ADAMTSL3: variants seen among roughly 807,000 people sequenced by gnomAD.
ADAMTSL3 encodes ADAMTS-like protein 3.
Under a neutral mutation model 201.7 loss-of-function variants are expected in ADAMTSL3, and 128 were observed. The observed-to-expected ratio is 0.63, with a 90% CI of 0.55 to 0.73. The LOEUF is 0.73. ADAMTSL3 is among the 30% of genes least tolerant of loss of function. The pLI is 0.00. For missense variants in ADAMTSL3, 1,990 were observed against 2,119.6 expected (o/e 0.94, Z 1.20); for synonymous variants, 738 against 748.4 (o/e 0.99, Z 0.23).
intron 17 of ADAMTSL3, among the ~76,000 whole-genome samples, chr15:83,939,738 C>T (rs2066521713): frequency 6.6e-6 from 1 of 151,818 alleles, no homozygotes; most frequent in African/African-American, 2.4e-5. Flanking sequence ...TCTCATGCCT[C>T]AGCCTACCAA....
chr15:83,803,424 A>G (rs994536259), intron 4 of ADAMTSL3, among the ~76,000 whole-genome samples: 4 of 152,186 alleles, frequency 2.6e-5, no homozygotes, highest in Non-Finnish European at 4.4e-5. Flanking sequence ...TAAATATTTT[A>G]ATAACAATTG....
At chr15:83,710,622 A>G (rs1197500951) in intron 3 of ADAMTSL3, among the ~76,000 whole-genome samples, 1 of 152,170 alleles carries the variant, frequency 6.6e-6, no homozygotes, top group Admixed American at 6.5e-5. Flanking sequence ...CCTTAATGAC[A>G]TCATAGGTGA....
chr15:83,889,098 G>C (rs138223774), intron 10 of ADAMTSL3, among the ~76,000 whole-genome samples: 62 of 152,300 alleles, frequency 4.1e-4, no homozygotes, highest in African/African-American at 1.4e-3. Flanking sequence ...GCATCATTTT[G>C]TGACTTGCTT....
At chr15:83,972,669 T>G (rs905826899) in intron 20 of ADAMTSL3, among the ~76,000 whole-genome samples, 7 of 152,014 alleles carry the variant, frequency 4.6e-5, no homozygotes, top group African/African-American at 1.7e-4. Flanking sequence ...ACAGTAATAT[T>G]TTTTCTTTAC....
chr15:83,672,184 G>A (rs895504498), intron 2 of ADAMTSL3, among the ~76,000 whole-genome samples: 1 of 152,138 alleles, frequency 6.6e-6, no homozygotes, highest in Non-Finnish European at 1.5e-5. Context: ...CTGAGGGTTG[G>A]TATAGCTCAT....
rs3044648 is a variant in ADAMTSL3 at position 83,903,242 on chromosome 15, CT to C, written c.1700+3526del. Among the ~76,000 whole-genome samples the C allele has an allele frequency of 1.7e-3, 223 of 133,394 alleles. 1 individual carries two copies. Among genetic ancestry groups the C allele is most frequent in the South Asian group, 2.2e-3 (9 of 4,134 alleles). 87.5% of individuals were successfully genotyped at this position (133,394 alleles called of 152,430 possible). ...TTTCTTTTTCTTTCGGCTGCCAGAT[CT>C]TTTTTTTTTTTTTTATCATGGTGAG... On this transcript the variant is annotated intron_variant, in intron 15 of 29. Transcript: ENST00000286744.
intron 7 of ADAMTSL3, among the ~76,000 whole-genome samples, chr15:83,849,892 A>G (rs1364958145): frequency 6.6e-6 from 1 of 152,234 alleles, no homozygotes; most frequent in Non-Finnish European, 1.5e-5. Flanking sequence ...CTGTAGTTAT[A>G]TAAGATGAAA....
At chr15:83,773,903 A>G (rs1266256247) in intron 4 of ADAMTSL3, among the ~76,000 whole-genome samples, 1 of 152,222 alleles carries the variant, frequency 6.6e-6, no homozygotes, top group Admixed American at 6.5e-5. Flanking sequence ...AAATCCTGGC[A>G]CTTTAAGTCA....
At chr15:83,849,713 A>G (rs538991882) in intron 7 of ADAMTSL3, among the ~76,000 whole-genome samples, 4 of 152,322 alleles carry the variant, frequency 2.6e-5, no homozygotes, top group African/African-American at 9.6e-5. Context: ...TGAATGGCCC[A>G]TTCTGAAGGG....
chr15:84,006,513 AC>A (rs760284525), intron 23 of ADAMTSL3, among the ~76,000 whole-genome samples: 8 of 152,148 alleles, frequency 5.3e-5, no homozygotes, highest in Non-Finnish European at 1.0e-4. Context: ...GTTTAAAGAC[AC>A]CCCCGAGGTG....
At chr15:83,850,635 A>G (rs552565322) in intron 7 of ADAMTSL3, among the ~76,000 whole-genome samples, 1 of 152,214 alleles carries the variant, frequency 6.6e-6, no homozygotes, top group Non-Finnish European at 1.5e-5. Flanking sequence ...CTAATTTTTC[A>G]TCATCAATGT....
intron 17 of ADAMTSL3, among the ~76,000 whole-genome samples, chr15:83,941,720 A>T (rs1013911856): frequency 3.3e-5 from 5 of 152,220 alleles, no homozygotes; most frequent in Non-Finnish European, 7.3e-5. Flanking sequence ...ATGTAATTCA[A>T]TTTAATTTTT....
chr15:83,844,627 T>C (rs1028365517), intron 7 of ADAMTSL3, among the ~76,000 whole-genome samples: 6 of 152,156 alleles, frequency 3.9e-5, no homozygotes, highest in African/African-American at 1.4e-4. Context: ...AATTAAAAGT[T>C]TCACCCTCCT....
intron 15 of ADAMTSL3, among the ~76,000 whole-genome samples, chr15:83,906,951 G>A (rs529357309): frequency 1.2e-4 from 18 of 152,012 alleles, no homozygotes; most frequent in Admixed American, 2.0e-4. Flanking sequence ...CCAGCTGGGT[G>A]CAGTGGCAGG....
chr15:83,976,597 A>AC (rs2067292588), intron 20 of ADAMTSL3, among the ~76,000 whole-genome samples: 1 of 151,440 alleles, frequency 6.6e-6, no homozygotes, highest in Non-Finnish European at 1.5e-5. Context: ...TTGATGAGAG[A>AC]CAGAGACACA....
At chr15:84,026,031 G>T (rs918010932) in intron 27 of ADAMTSL3, among the ~76,000 whole-genome samples, 1 of 152,126 alleles carries the variant, frequency 6.6e-6, no homozygotes, top group African/African-American at 2.4e-5. Context: ...GATAATTCTG[G>T]CATTCACATG....
chr15:83,896,849 G>T (rs6603002), intron 13 of ADAMTSL3, among the ~76,000 whole-genome samples: 94,821 of 151,482 alleles, frequency 0.63, 30,727 homozygotes, highest in African/African-American at 0.79. Flanking sequence ...GTCTGGGGAG[G>T]CCTCAGGAAA....
intron 2 of ADAMTSL3, among the ~76,000 whole-genome samples, chr15:83,658,969 A>G (rs762624130): frequency 6.6e-6 from 1 of 152,102 alleles, no homozygotes; most frequent in Admixed American, 6.5e-5. Context: ...GCCTTTAGAA[A>G]CTGTTTTAAC....
chr15:83,994,330 G>C (rs1259502998), intron 23 of ADAMTSL3, among the ~76,000 whole-genome samples: 3 of 152,132 alleles, frequency 2.0e-5, no homozygotes, highest in African/African-American at 7.2e-5. Flanking sequence ...ACTGTGGATG[G>C]CACCTGACAT....
Sources: allele counts gnomAD v4.1 joint callset (sites outside exome capture counted in the v4.1 genomes callset), GRCh38; gene constraint gnomAD v4.1.1; transcripts MANE v1.5; gene names NCBI Gene and HGNC (gene_info 2026-07-23, HGNC 2026-07-21).